The following NHS variants were observed in gnomAD, a reference collection of about 807,000 sequenced individuals.
NHS encodes the protein actin remodeling regulator NHS.
A neutral mutation model predicts 72.5 loss-of-function variants in NHS; 5 were observed. That is an observed-to-expected ratio of 0.07 (90% CI 0.04 to 0.14). NHS has a LOEUF of 0.14. Among genes scored for constraint, NHS ranks in the 10% least tolerant of loss-of-function variants. The pLI is 1.00. For synonymous variants in NHS, 464 were observed against 547.7 expected, an observed-to-expected ratio of 0.85 and a Z score of 2.13; for missense variants, 1,072 against 1,355.7, an observed-to-expected ratio of 0.79 and a Z score of 3.29.
At chrX:17,666,143 G>C (rs2066011735) in intron 1 of NHS, among the ~76,000 whole-genome samples, 1 of 111,957 alleles carries the variant, frequency 8.9e-6, no homozygotes, top group African/African-American at 3.3e-5. Context: ...AGTGGAAAAT[G>C]ATGATAGAAA....
Position 17,727,304 on chromosome X carries a change from C to T in NHS, c.3198C>T (p.Pro1066=). 8.3e-7 allele frequency: 1 copy of T among 1,211,624 alleles called. No homozygotes were observed. Among genetic ancestry groups the T allele is most frequent in the Non-Finnish European group, 1.1e-6 (1 of 895,244 alleles). The change falls in exon 7 of 9, where the codon CCC becomes CCT. Residue 1066 remains proline (P), a synonymous_variant. Transcript: ENST00000676302. The part of the protein sequence containing the change: ...VPERKSSLQQ[P]SLKDGTISLS... The stretch of plus-strand genomic sequence containing the variant: ...AAAGAAAATCCTCACTACAGCAACC[C>T]TCTTTAAAAGATGGAACTATATCAC...
chrX:17,523,523 G>A (rs767160409), intron 1 of NHS, among the ~76,000 whole-genome samples: 10 of 111,972 alleles, frequency 8.9e-5, no homozygotes, highest in South Asian at 3.7e-4. Flanking sequence ...GCATAGAGCC[G>A]CCATGAGACT....
chrX:17,437,665 AGTAGCACTTCCT>A (rs1445006810), intron 1 of NHS, among the ~76,000 whole-genome samples: 3 of 112,068 alleles, frequency 2.7e-5, no homozygotes, highest in Non-Finnish European at 5.6e-5. Flanking sequence ...CTCATCAGCC[AGTAGCACTTCCT>A]GTAAGTTTTG....
At chrX:17,603,211 C>T (rs1426391388) in intron 1 of NHS, among the ~76,000 whole-genome samples, 1 of 111,609 alleles carries the variant, frequency 9.0e-6, no homozygotes, top group Non-Finnish European at 1.9e-5. Flanking sequence ...CATGAGGCTA[C>T]TTGGCAACAG....
intron 1 of NHS, among the ~76,000 whole-genome samples, chrX:17,469,719 C>T (rs2064883942): frequency 8.9e-6 from 1 of 112,365 alleles, no homozygotes; most frequent in African/African-American, 3.2e-5. Flanking sequence ...CGACTCTCTG[C>T]AGCCTCCGCC....
intron 6 of NHS, among the ~76,000 whole-genome samples, chrX:17,724,925 G>A (rs1367064720): frequency 9.0e-6 from 1 of 111,323 alleles, no homozygotes; most frequent in Non-Finnish European, 1.9e-5. Flanking sequence ...AATTATTAGG[G>A]TATCATCTCT....
intron 1 of NHS, among the ~76,000 whole-genome samples, chrX:17,513,946 C>T (rs754414872): frequency 8.9e-6 from 1 of 112,177 alleles, no homozygotes; most frequent in East Asian, 2.8e-4. Flanking sequence ...TATAGTTCCA[C>T]GTGGCTGGGG....
intron 1 of NHS, among the ~76,000 whole-genome samples, chrX:17,633,303 C>A (rs2065829137): frequency 8.9e-6 from 1 of 111,790 alleles, no homozygotes; most frequent in African/African-American, 3.3e-5. Context: ...TTATTTCTGT[C>A]TTCTAATTCT....
chrX:17,457,556 G>A (rs2064830345), intron 1 of NHS, among the ~76,000 whole-genome samples: 1 of 111,319 alleles, frequency 9.0e-6, no homozygotes, highest in African/African-American at 3.3e-5. Flanking sequence ...TCTCCCACCG[G>A]GCCCCACCTC....
chrX:17,684,936 G>T (rs979386489), intron 1 of NHS, among the ~76,000 whole-genome samples: 3 of 112,069 alleles, frequency 2.7e-5, no homozygotes, highest in Non-Finnish European at 5.6e-5. Context: ...AGGGCACTAA[G>T]CCTGCTATCT....
Position 17,719,389 on chromosome X carries a change from A to T in NHS, c.898A>T (p.Thr300Ser). ...CTCCCCCACTGAATGTTGCCACATG[A>T]CCCCGTGGAGTAGAAAGGTATTGGT... Reference protein sequence around the residue: ...SPSPTECCHMTPWSRKSHPPE... With the variant: ...SPSPTECCHMSPWSRKSHPPE... Residue 300 changes from threonine (T) to serine (S), a missense_variant, in exon 4 of 9, where the codon ACC becomes TCC. Physicochemically the swap from Thr to Ser is moderately conservative, Grantham distance 58. Coordinates refer to ENST00000676302, the MANE Select transcript of NHS (RefSeq NM_001291867.2). 1 of 1,164,937 alleles carries T rather than the reference A, an allele frequency of 8.6e-7. No homozygotes were observed. Among genetic ancestry groups the T allele is most frequent in the African/African-American group, 1.8e-5 (1 of 55,854 alleles).
intron 1 of NHS, among the ~76,000 whole-genome samples, chrX:17,558,517 T>G (rs1427198330): frequency 2.7e-5 from 3 of 112,416 alleles, no homozygotes; most frequent in African/African-American, 9.7e-5. Flanking sequence ...AAGACGTACA[T>G]GGGCTTCGTA....
At chrX:17,582,475 G>T (rs1056128341) in intron 1 of NHS, among the ~76,000 whole-genome samples, 14 of 112,287 alleles carry the variant, frequency 1.2e-4, no homozygotes, top group African/African-American at 4.5e-4. Context: ...AGTGAGAGGG[G>T]TTGTCCAGTT....
intron 1 of NHS, among the ~76,000 whole-genome samples, chrX:17,486,915 A>G (rs2064969743): frequency 9.0e-6 from 1 of 111,243 alleles, no homozygotes; most frequent in Admixed American, 9.6e-5. Flanking sequence ...AGGTGCTGCT[A>G]TGGTTAAGCT....
At chrX:17,730,482 C>G (rs1341625410) in intron 8 of NHS, among the ~76,000 whole-genome samples, 1 of 112,274 alleles carries the variant, frequency 8.9e-6, no homozygotes, top group African/African-American at 3.2e-5. Context: ...TACAAGATAT[C>G]AACCACAGAG....
At chrX:17,591,510 G>T (rs2065602665) in intron 1 of NHS, among the ~76,000 whole-genome samples, 1 of 111,889 alleles carries the variant, frequency 8.9e-6, no homozygotes, top group African/African-American at 3.3e-5. Context: ...TTGGTATGAA[G>T]ACAGAATCCT....
At chrX:17,557,868 C>T (rs141017005) in intron 1 of NHS, among the ~76,000 whole-genome samples, 2,809 of 112,364 alleles carry the variant, frequency 0.025, 54 homozygotes, top group Non-Finnish European at 0.039. Context: ...CAAAGGCCTC[C>T]CTTAGTTTGT....
intron 1 of NHS, among the ~76,000 whole-genome samples, chrX:17,466,626 T>C (rs1399999455): frequency 1.8e-5 from 2 of 111,798 alleles, no homozygotes; most frequent in Non-Finnish European, 3.8e-5. Context: ...CAAATCTGGT[T>C]GCATCACTGG....
intron 1 of NHS, among the ~76,000 whole-genome samples, chrX:17,396,767 T>A (rs1432375432): frequency 8.9e-6 from 1 of 111,792 alleles, no homozygotes; most frequent in Non-Finnish European, 1.9e-5. Context: ...AGGAAAAATA[T>A]ATCCACTGAG....
Sources: gnomAD v4.1 joint callset for allele counts (sites outside exome capture counted in the v4.1 genomes callset) on GRCh38, gnomAD v4.1.1 for gene constraint, MANE v1.5 for transcripts, NCBI Gene and HGNC (gene_info 2026-07-23, HGNC 2026-07-21) for gene names.